Variants in CDH12 observed in about 807,000 individuals in gnomAD.
CDH12 encodes the protein cadherin 12, also known as cadherin-12.
CDH12 carries 41 observed loss-of-function variants against 74.1 expected under a neutral mutation model. The observed-to-expected ratio is 0.55, with a 90% confidence interval of 0.43 to 0.72. The LOEUF (loss-of-function observed/expected upper bound fraction) is 0.72, where lower values mean the gene tolerates loss of function less well. CDH12 is among the 30% of genes least tolerant of loss of function. CDH12 has a pLI of 0.00. For synonymous variants in CDH12, 399 were observed against 355.0 expected (o/e 1.12, Z -1.39); for missense variants, 945 against 977.2 (o/e 0.97, Z 0.44).
intron 3 of CDH12, among the ~76,000 whole-genome samples, chr5:22,318,744 A>C (rs1304638918): frequency 1.3e-5 from 2 of 152,196 alleles, no homozygotes; most frequent in Non-Finnish European, 2.9e-5. Context: ...CTCTTCATCC[A>C]AACATGACAT....
intron 1 of CDH12, among the ~76,000 whole-genome samples, chr5:22,833,609 A>G (rs561808375): frequency 6.6e-6 from 1 of 152,330 alleles, no homozygotes; most frequent in East Asian, 1.9e-4. Context: ...TAGAAAACAC[A>G]GGAAAACTAG....
intron 3 of CDH12, among the ~76,000 whole-genome samples, chr5:22,301,613 A>AT (rs1388260603): frequency 4.6e-5 from 7 of 151,798 alleles, no homozygotes; most frequent in African/African-American, 1.5e-4. Flanking sequence ...TAAAACAAAC[A>AT]TTTTTCATCC....
intron 6 of CDH12, chr5:21,884,365 G>A: frequency 1.0e-6 from 1 of 990,782 alleles, no homozygotes; most frequent in Non-Finnish European, 1.6e-6. Flanking sequence ...GAAGCCCAAG[G>A]CAGTGTTCCT....
At chr5:22,714,235 C>A (rs1449889345) in intron 1 of CDH12, among the ~76,000 whole-genome samples, 1 of 152,172 alleles carries the variant, frequency 6.6e-6, no homozygotes, top group Non-Finnish European at 1.5e-5. Flanking sequence ...TTGATTCTAA[C>A]TAGGCTGTCA....
chr5:22,289,773 T>A (rs573749094), intron 3 of CDH12, among the ~76,000 whole-genome samples: 2 of 152,164 alleles, frequency 1.3e-5, no homozygotes, highest in South Asian at 4.2e-4. Flanking sequence ...GAGAGGGAAG[T>A]GATCAAAGGA....
intron 1 of CDH12, among the ~76,000 whole-genome samples, chr5:22,636,615 T>G (rs1738855017): frequency 1.3e-5 from 2 of 152,158 alleles, no homozygotes; most frequent in South Asian, 2.1e-4. Context: ...ATGTCTAGAA[T>G]AGGCAAATCT....
chr5:22,781,115 T>A (rs896349624), intron 1 of CDH12, among the ~76,000 whole-genome samples: 9 of 152,324 alleles, frequency 5.9e-5, no homozygotes, highest in African/African-American at 1.7e-4. Flanking sequence ...GTTACATTTT[T>A]AAATATATTT....
At chr5:22,487,286 G>A (rs1746647811) in intron 2 of CDH12, among the ~76,000 whole-genome samples, 1 of 152,166 alleles carries the variant, frequency 6.6e-6, no homozygotes, top group African/African-American at 2.4e-5. Flanking sequence ...ACAGGCATGA[G>A]CCACTGTACC....
intron 3 of CDH12, among the ~76,000 whole-genome samples, chr5:22,356,660 A>G (rs568568760): frequency 2.6e-5 from 4 of 152,156 alleles, no homozygotes; most frequent in South Asian, 2.1e-4. Context: ...GGTTCAGGTC[A>G]TATTGCTAAT....
At chr5:22,777,859 G>T (rs1747181713) in intron 1 of CDH12, among the ~76,000 whole-genome samples, 1 of 152,016 alleles carries the variant, frequency 6.6e-6, no homozygotes, top group Admixed American at 6.6e-5. Context: ...TATCAACCAG[G>T]CTGGAGTGCA....
chr5:22,491,692 G>A (rs115400194), intron 2 of CDH12, among the ~76,000 whole-genome samples: 96 of 151,898 alleles, frequency 6.3e-4, no homozygotes, highest in African/African-American at 2.3e-3. Context: ...AATTTGTGTT[G>A]GACCACATTC....
At chr5:21,878,282 T>C (rs1016176207) in intron 6 of CDH12, among the ~76,000 whole-genome samples, 1 of 152,176 alleles carries the variant, frequency 6.6e-6, no homozygotes, top group African/African-American at 2.4e-5. Flanking sequence ...CCTACTTGTT[T>C]TGCAAGATTC....
At chr5:22,383,741 T>C (rs535305885) in intron 3 of CDH12, among the ~76,000 whole-genome samples, 3 of 152,284 alleles carry the variant, frequency 2.0e-5, no homozygotes, top group Admixed American at 2.0e-4. Context: ...ATTCCACTAG[T>C]TACTTTGGGG....
intron 3 of CDH12, among the ~76,000 whole-genome samples, chr5:22,234,227 T>C (rs953022719): frequency 2.6e-5 from 4 of 152,152 alleles, no homozygotes; most frequent in Non-Finnish European, 4.4e-5. Context: ...GAGGGAGTTA[T>C]ACCTATACTG....
chr5:21,883,484 G>A, intron 6 of CDH12: 1 of 1,612,842 alleles, frequency 6.2e-7, no homozygotes, highest in Non-Finnish European at 8.5e-7. Context: ...TTCAGGTTGT[G>A]GCAGTCAAGG....
At chr5:22,852,811 C>A (rs1370215315) in intron 1 of CDH12, among the ~76,000 whole-genome samples, 1 of 152,162 alleles carries the variant, frequency 6.6e-6, no homozygotes, top group African/African-American at 2.4e-5. Context: ...TAAAACATTT[C>A]TTTCCTTCCT....
chr5:22,218,349 G>T (rs1419679146), intron 3 of CDH12, among the ~76,000 whole-genome samples: 1 of 151,686 alleles, frequency 6.6e-6, no homozygotes, highest in Non-Finnish European at 1.5e-5. Flanking sequence ...TCCGTCAACA[G>T]GTGAGTGAAT....
intron 3 of CDH12, among the ~76,000 whole-genome samples, chr5:22,228,046 T>C (rs1342171178): frequency 6.6e-6 from 1 of 152,100 alleles, no homozygotes; most frequent in Non-Finnish European, 1.5e-5. Context: ...GGATAAGTGA[T>C]TTCACTTCTC....
At chr5:22,044,552 G>C (rs369843911) in intron 5 of CDH12, among the ~76,000 whole-genome samples, 3 of 152,132 alleles carry the variant, frequency 2.0e-5, no homozygotes, top group East Asian at 1.9e-4. Flanking sequence ...CCCCCCATCA[G>C]GTCCATCCCT....
Sources: gnomAD v4.1 joint callset for allele counts (sites outside exome capture counted in the v4.1 genomes callset) on GRCh38, gnomAD v4.1.1 for gene constraint, MANE v1.5 for transcripts, NCBI Gene and HGNC (gene_info 2026-07-23, HGNC 2026-07-21) for gene names.